The following ZFP37 variants were observed in gnomAD, a reference collection of about 807,000 sequenced individuals.
ZFP37 encodes ZFP37 zinc finger protein, also known as zinc finger protein 37 homolog.
ZFP37 carries 38 observed loss-of-function variants against 52.1 expected under a neutral mutation model. The observed-to-expected ratio is 0.73, with a 90% CI of 0.56 to 0.96. ZFP37 has a LOEUF of 0.96. Ranked by LOEUF, ZFP37 falls within the 40% of genes least tolerant of loss-of-function variation. The pLI is 0.00. For missense variants in ZFP37, 695 were observed against 741.4 expected (o/e 0.94, Z 0.73); for synonymous variants, 253 against 259.5 (o/e 0.98, Z 0.24).
chr9:113,056,610 C>G lies in ZFP37; in HGVS notation c.79G>C (p.Glu27Gln). The G allele has an allele frequency of 6.2e-7, 1 of 1,614,032 alleles. No homozygotes were observed. The highest frequency in any genetic ancestry group is 8.5e-7 in the Non-Finnish European group (1 of 1,180,032). The stretch of plus-strand genomic sequence containing the variant: ...GCCATCTCCAGTGGTCGCCCGGCCT[C>G]TTTGGTCGTTTCCGCACTTCTCCTC... ...DRRRSAETTK[E>Q]AGRPLEMAVS... The change falls in exon 1 of 4, where the codon GAG becomes CAG. Residue 27 changes from glutamate to glutamine, a missense_variant. Glu to Gln is a conservative substitution (Grantham distance 29, BLOSUM62 2). Transcript: ENST00000374227.
chr9:113,040,460 G>A lies in ZFP37; in HGVS notation c.*2265C>T, dbSNP rs772354837. The A allele has an allele frequency of 2.0e-5, 3 of 152,170 alleles. No individual in the cohort carries two copies. The highest frequency in any genetic ancestry group is 4.4e-5 in the Non-Finnish European group (3 of 68,036). The allele number at this position is 152,170 out of a possible 1,614,324, so 9.4% of individuals were successfully genotyped here. ...TGATAAATAAGTTACTTGGAAATGA[G>A]GGGATATATTCATGAGTTGAGCTTT... On this transcript the variant is annotated 3_prime_UTR_variant, in exon 4 of 4. Coordinates refer to ENST00000374227, the MANE Select transcript of ZFP37 (RefSeq NM_003408.3).
At chr9:113,047,620 G>A (rs956802240) in intron 3 of ZFP37, among the ~76,000 whole-genome samples, 1 of 152,166 alleles carries the variant, frequency 6.6e-6, no homozygotes, top group East Asian at 1.9e-4. Context: ...GAAAAAAATG[G>A]ATTTAGCAAA....
rs1304580875 is a variant in ZFP37 at position 113,042,853 on chromosome 9, C to G, written c.1765G>C (p.Val589Leu). ...EKAFNAKSQLVIHQRSHTGEK... is the reference protein window; with the variant it reads ...EKAFNAKSQLLIHQRSHTGEK... The stretch of plus-strand genomic sequence containing the variant: ...CCAGTGTGGGATCGCTGATGTATAA[C>G]AAGCTGTGATTTTGCATTAAAGGCT... The change falls in exon 4 of 4, where the codon GTT (valine) becomes CTT (leucine). Residue 589 changes from valine (V) to leucine (L), a missense_variant. Val to Leu is a conservative substitution (Grantham distance 32, BLOSUM62 1). Transcript: ENST00000374227. The G allele has an allele frequency of 3.1e-6, 5 of 1,613,628 alleles. No homozygotes were observed. Among genetic ancestry groups the G allele is most frequent in the Non-Finnish European group, 4.2e-6 (5 of 1,179,846 alleles).
intron 1 of ZFP37, among the ~76,000 whole-genome samples, chr9:113,055,140 C>G (rs539523335): frequency 6.6e-6 from 1 of 152,266 alleles, no homozygotes; most frequent in South Asian, 2.1e-4. Context: ...TTAAGCACAC[C>G]AAGTTTACTC....
intron 2 of ZFP37, 56 bp downstream of exon 2, chr9:113,049,734 TC>T: frequency 6.3e-7 from 1 of 1,585,480 alleles, no homozygotes; most frequent in Non-Finnish European, 8.6e-7. Flanking sequence ...TATCAAGGAC[TC>T]CAGAGAGAAG....
chr9:113,053,382 C>T (rs1829091063), intron 1 of ZFP37, among the ~76,000 whole-genome samples: 1 of 152,176 alleles, frequency 6.6e-6, no homozygotes, highest in Non-Finnish European at 1.5e-5. Context: ...CCTGTCAAAG[C>T]CTCAACCTTG....
Position 113,043,794 on chromosome 9 carries a change from G to T in ZFP37, c.824C>A (p.Pro275His). ...IQTGEKHEKSPSLSSSTKHEK... is the reference protein window; with the variant it reads ...IQTGEKHEKSHSLSSSTKHEK... Reference sequence around the variant, plus strand: ...ATGCTTAGTAGATGAGCTAAGGCTGGGTGATTTCTCATGTTTCTCTCCAGT... The same window carrying T: ...ATGCTTAGTAGATGAGCTAAGGCTGTGTGATTTCTCATGTTTCTCTCCAGT... Residue 275 changes from proline to histidine, a missense_variant, in exon 4 of 4, where the codon CCC (proline) becomes CAC (histidine). By Grantham distance (77) the Pro-to-His change is moderately conservative. Transcript: ENST00000374227. The T allele has an allele frequency of 1.2e-6, 2 of 1,613,920 alleles. No individual in the cohort carries two copies. The highest frequency in any genetic ancestry group is 1.7e-6 in the Non-Finnish European group (2 of 1,179,950).
Position 113,042,921 on chromosome 9 carries a change from G to A in ZFP37, c.1697C>T (p.Thr566Ile), listed in dbSNP as rs1828873482. ...TTCATAAGGTTTCTCCCCAGTATGA[G>A]TTCTCTGATGTACAATGAGGTGAGA... is the stretch of plus-strand genomic sequence containing the variant. ...QKSHLIVHQR[T>I]HTGEKPYECN... is the part of the protein sequence containing the mutation. Residue 566 changes from threonine to isoleucine, a missense_variant, in exon 4 of 4, where the codon ACT becomes ATT. This residue lies in a region of ZFP37 where 326 missense variants were observed against 400.5 expected (regional missense o/e 0.81). Coordinates refer to ENST00000374227, the MANE Select transcript of ZFP37 (RefSeq NM_003408.3). 6.2e-7 allele frequency: 1 copy of A among 1,613,782 alleles called. No homozygotes were observed. Among genetic ancestry groups the A allele is most frequent in the South Asian group, 1.1e-5 (1 of 91,032 alleles).
At chr9:113,048,825 T>G in intron 3 of ZFP37, among the ~76,000 whole-genome samples, 1 of 152,092 alleles carries the variant, frequency 6.6e-6, no homozygotes. Flanking sequence ...CTTTGACTAA[T>G]AAAATATGAG....
chr9:113,053,056 T>C (rs1829085677), intron 1 of ZFP37, among the ~76,000 whole-genome samples: 1 of 152,198 alleles, frequency 6.6e-6, no homozygotes, highest in South Asian at 2.1e-4. Flanking sequence ...CAGCAACCTC[T>C]TCTTCCACTC....
At chr9:113,048,511 A>G (rs1174326913) in intron 3 of ZFP37, among the ~76,000 whole-genome samples, 1 of 152,168 alleles carries the variant, frequency 6.6e-6, no homozygotes, top group Non-Finnish European at 1.5e-5. Flanking sequence ...GGGATCGAGA[A>G]TAGCTAAGAG....
rs1232033509 is a variant in ZFP37, at chr9:113,049,851, C to A, written c.154G>T (p.Ala52Ser). The A allele has an allele frequency of 1.9e-6, 3 of 1,613,956 alleles. No homozygotes were observed. The highest frequency in any genetic ancestry group is 1.1e-5 in the South Asian group (1 of 91,084). ...SAAEWKQLDP[A>S]QSNLYNDVML... ...ACATCATTATACAGGTTGCTCTGAG[C>A]AGGATCCAGTTGCTTCCATTCCTTC... The change falls in exon 2 of 4, where the codon GCT becomes TCT. Residue 52 changes from alanine (A) to serine (S), a missense_variant. By Grantham distance (99) the Ala-to-Ser change is moderately conservative. Coordinates refer to ENST00000374227, the MANE Select transcript of ZFP37 (RefSeq NM_003408.3).
intron 1 of ZFP37, among the ~76,000 whole-genome samples, chr9:113,054,424 C>T (rs1160996587): frequency 6.6e-6 from 1 of 152,144 alleles, no homozygotes; most frequent in Non-Finnish European, 1.5e-5. Context: ...GTGACCCGAG[C>T]CAATCTTAAG....
At chr9:113,054,576 T>C (rs1454014676) in intron 1 of ZFP37, among the ~76,000 whole-genome samples, 2 of 152,170 alleles carry the variant, frequency 1.3e-5, no homozygotes, top group East Asian at 1.9e-4. Context: ...ACGGCCAAAA[T>C]AGAGCCACTG....
chr9:113,056,545 C>CA lies in ZFP37; in HGVS notation c.132+11dup, dbSNP rs754723184. 6.2e-7 allele frequency: 1 copy of CA among 1,612,894 alleles called. No homozygotes were observed. The highest frequency in any genetic ancestry group is 8.5e-7 in the Non-Finnish European group (1 of 1,179,800). On this transcript the variant is annotated intron_variant, in intron 1 of 3. Coordinates refer to ENST00000374227, the MANE Select transcript of ZFP37 (RefSeq NM_003408.3). ...TGACCGCCAAAACACCCTGTCTCAT[C>CA]ACAGCTCTCACCGCGGCGCTGGCCT...
Position 113,052,471 on chromosome 9 carries a change from T to C in ZFP37, c.133-2599A>G, listed in dbSNP as rs1829074199. Among the ~76,000 whole-genome samples the C allele has an allele frequency of 6.6e-6, 1 of 152,184 alleles. No homozygotes were observed. The highest frequency in any genetic ancestry group is 6.5e-5 in the Admixed American group (1 of 15,282). The stretch of plus-strand genomic sequence containing the variant: ...CAGTATATAATTGTACTCATAGCTA[T>C]TATTTATTGTAGCAAAAGTGTACAA... On this transcript the variant is annotated intron_variant, in intron 1 of 3. Coordinates refer to ENST00000374227, the MANE Select transcript of ZFP37 (RefSeq NM_003408.3). The surrounding 1 kb of genome is among the most constrained non-coding windows in gnomAD (Gnocchi z 4.1).
At chr9:113,047,107 T>TAAA (rs376369021) in intron 3 of ZFP37, among the ~76,000 whole-genome samples, 4 of 118,588 alleles carry the variant, frequency 3.4e-5, no homozygotes, top group African/African-American at 9.6e-5. Flanking sequence ...AGACTCCGTC[T>TAAA]AAAAAAAAAA....
chr9:113,046,164 ATC>A, intron 3 of ZFP37, among the ~76,000 whole-genome samples: 1 of 149,998 alleles, frequency 6.7e-6, no homozygotes, highest in Admixed American at 6.7e-5. Context: ...ACAGATATAT[ATC>A]TATATATAGA....
intron 3 of ZFP37, 83 bp from the exon 4 acceptor site, chr9:113,044,351 T>C: frequency 2.3e-6 from 3 of 1,306,606 alleles, no homozygotes; most frequent in Non-Finnish European, 2.1e-6. Context: ...AATGACCTGT[T>C]GTAGGGTTAA....
Sources: allele counts gnomAD v4.1 joint callset (sites outside exome capture counted in the v4.1 genomes callset), GRCh38; gene constraint gnomAD v4.1.1; regional missense constraint gnomAD v4.1.1; non-coding constraint Gnocchi (gnomAD v3.1); transcripts MANE v1.5; gene names NCBI Gene and HGNC (gene_info 2026-07-23, HGNC 2026-07-21).